CLSTN1: variants seen among roughly 807,000 people sequenced by gnomAD.
The protein encoded by CLSTN1 is calsyntenin 1.
Under a neutral mutation model 108.3 loss-of-function variants are expected in CLSTN1, and 28 were observed. The ratio of observed to expected loss-of-function variants is 0.26; its 90% CI spans 0.19 to 0.35. The LOEUF (loss-of-function observed/expected upper bound fraction) is 0.35, where lower values mean the gene tolerates loss of function less well. Ranked by LOEUF, CLSTN1 falls within the 10% of genes least tolerant of loss-of-function variation. The pLI is 1.00. For missense variants in CLSTN1, 1,157 were observed against 1,302.6 expected, an observed-to-expected ratio of 0.89 and a Z score of 1.72; for synonymous variants, 524 against 534.9, an observed-to-expected ratio of 0.98 and a Z score of 0.28.
At position 9,744,564 on chromosome 1, in the gene CLSTN1, A is replaced by C; in HGVS notation, c.1065T>G (p.Asn355Lys). The C allele has an allele frequency of 6.2e-7, 1 of 1,612,774 alleles. No homozygotes were observed. The highest frequency in any genetic ancestry group is 8.5e-7 in the Non-Finnish European group (1 of 1,179,862). Residue 355 changes from asparagine (N) to lysine (K), a missense_variant, in exon 8 of 19, where the codon AAT (asparagine) becomes AAG (lysine). By Grantham distance (94) the Asn-to-Lys change is moderately conservative. Transcript: ENST00000377298. ...CAAACACCTGGTCGCTGTCGTGGCC[A>C]TTGTCGGTGGGCAGGCCCATGGTCC... ...LNWTMGLPTD[N>K]GHDSDQVFEF...
intron 5 of CLSTN1, 45 bp downstream of exon 5, chr1:9,751,428 C>CAGG: frequency 6.3e-7 from 1 of 1,590,124 alleles, no homozygotes; most frequent in Non-Finnish European, 8.6e-7. Context: ...GTGGGGTTAG[C>CAGG]AGGGACTGTC....
At chr1:9,802,558 G>A (rs939516594) in intron 1 of CLSTN1, among the ~76,000 whole-genome samples, 15 of 152,120 alleles carry the variant, frequency 9.9e-5, no homozygotes, top group African/African-American at 3.6e-4. Flanking sequence ...TGACTCAACT[G>A]TACATGAGAG....
At position 9,744,036 on chromosome 1, in the gene CLSTN1, C is replaced by T. The variant is rs746614787; in HGVS notation, c.1235-31G>A. On this transcript the variant is annotated intron_variant, in intron 8 of 18. Transcript: ENST00000377298. Reference sequence around the variant, plus strand: ...AAGGCAGTTTCTATGGGTAAATTGCCAACTAAAGATCCAAAGGAGAAATTA... The same window carrying T: ...AAGGCAGTTTCTATGGGTAAATTGCTAACTAAAGATCCAAAGGAGAAATTA... The T allele has an allele frequency of 5.0e-6, 8 of 1,605,024 alleles. No individual in the cohort carries two copies. The South Asian group carries it at 8.9e-5, about 18-fold the overall frequency.
At chr1:9,736,318 A>G (rs1441331311) in intron 11 of CLSTN1, among the ~76,000 whole-genome samples, 1 of 152,110 alleles carries the variant, frequency 6.6e-6, no homozygotes, top group Non-Finnish European at 1.5e-5. Flanking sequence ...TCTGGCCACT[A>G]CCTGGTAAGG....
chr1:9,788,359 T>C (rs555652508), intron 1 of CLSTN1, among the ~76,000 whole-genome samples: 4 of 146,780 alleles, frequency 2.7e-5, no homozygotes, highest in African/African-American at 7.5e-5. Flanking sequence ...TCACCTGAGG[T>C]TGGGAGTTTG....
At chr1:9,774,618 C>T (rs1652847961) in intron 1 of CLSTN1, among the ~76,000 whole-genome samples, 1 of 151,650 alleles carries the variant, frequency 6.6e-6, no homozygotes, top group Non-Finnish European at 1.5e-5. Flanking sequence ...CAATTCCAGC[C>T]TCCCTCTATT....
chr1:9,776,862 T>TTATCTATCTATCTATCTATCTATCTATC (rs70998308), intron 1 of CLSTN1, among the ~76,000 whole-genome samples: 1 of 140,020 alleles, frequency 7.1e-6, no homozygotes. Flanking sequence ...CTATCAGCAT[T>TTATCTATCTATCTATCTATCTATCTATC]TATCTATCTA....
intron 1 of CLSTN1, among the ~76,000 whole-genome samples, chr1:9,804,820 A>G (rs1654438114): frequency 6.6e-6 from 1 of 152,086 alleles, no homozygotes; most frequent in Non-Finnish European, 1.5e-5. Context: ...CGATGGAGTG[A>G]GACCCTGTCT....
Position 9,744,426 on chromosome 1 carries a change from C to G in CLSTN1, c.1203G>C (p.Lys401Asn), listed in dbSNP as rs1651144195. The change falls in exon 8 of 19, where the codon AAG becomes AAC. Residue 401 changes from lysine (K) to asparagine (N), a missense_variant. Physicochemically the swap from Lys to Asn is moderately conservative, Grantham distance 94. Coordinates refer to ENST00000377298, the MANE Select transcript of CLSTN1 (RefSeq NM_001009566.3). ...WMRHGPFGRK[K>N]ETILCSSDKT... ...TATCAGAACTGCAAAGAATTGTCTC[C>G]TTCTTCCTGCCGAATGGCCCATGTC... The G allele has an allele frequency of 6.2e-7, 1 of 1,610,368 alleles. No individual in the cohort carries two copies. The highest frequency in any genetic ancestry group is 8.5e-7 in the Non-Finnish European group (1 of 1,179,958).
intron 4 of CLSTN1, among the ~76,000 whole-genome samples, chr1:9,752,496 C>T (rs185449114): frequency 1.3e-5 from 2 of 152,338 alleles, no homozygotes; most frequent in African/African-American, 2.4e-5. Context: ...CCAGTGCCAT[C>T]GGTCTGACCC....
At chr1:9,795,625 A>G (rs1653953632) in intron 1 of CLSTN1, among the ~76,000 whole-genome samples, 1 of 151,418 alleles carries the variant, frequency 6.6e-6, no homozygotes, top group African/African-American at 2.4e-5. Flanking sequence ...AAGGAAAAAG[A>G]AAAAAATGTA....
chr1:9,819,382 T>C (rs1655109382), intron 1 of CLSTN1, among the ~76,000 whole-genome samples: 1 of 152,242 alleles, frequency 6.6e-6, no homozygotes. Flanking sequence ...CTTGGTTTAA[T>C]AAGCTTCACT....
intron 5 of CLSTN1, among the ~76,000 whole-genome samples, chr1:9,750,719 A>C (rs1010266200): frequency 2.0e-4 from 30 of 150,460 alleles, no homozygotes; most frequent in South Asian, 4.2e-4. Flanking sequence ...CTCAAACAAA[A>C]AAAAAAAAAA....
chr1:9,737,680 C>A, intron 10 of CLSTN1, 126 bp from the exon 11 acceptor site: 1 of 812,836 alleles, frequency 1.2e-6, no homozygotes, highest in Admixed American at 2.2e-5. Flanking sequence ...CTCGTGATCC[C>A]GCTCTGGGAT....
At position 9,733,961 on chromosome 1, in the gene CLSTN1, G is replaced by A. The variant is rs373592229; in HGVS notation, c.2281+11C>T. The A allele has an allele frequency of 2.8e-5, 45 of 1,602,666 alleles. No individual in the cohort carries two copies. Among genetic ancestry groups the A allele is most frequent in the African/African-American group, 1.6e-4 (12 of 74,726 alleles). The stretch of plus-strand genomic sequence containing the variant: ...CCTGGCCCACCTGCGTGGCTGCAGC[G>A]CTCCCCTTACCTGTGAAGGTCATGC... On this transcript the variant is annotated intron_variant, in intron 15 of 18. Coordinates refer to ENST00000377298, the MANE Select transcript of CLSTN1 (RefSeq NM_001009566.3).
At chr1:9,744,172 G>A (rs966445662) in intron 8 of CLSTN1, among the ~76,000 whole-genome samples, 167 bp from the exon 9 acceptor site, 21 of 152,202 alleles carry the variant, frequency 1.4e-4, no homozygotes, top group Non-Finnish European at 2.9e-5. Flanking sequence ...TTCCTGAGAG[G>A]CGGAGCCTGT....
At chr1:9,744,372 C>G (rs749096532) in intron 8 of CLSTN1, 23 bp downstream of exon 8, 2 of 1,587,640 alleles carry the variant, frequency 1.3e-6, no homozygotes, top group South Asian at 2.3e-5. Flanking sequence ...GGCCTGGCAT[C>G]GCTTGCAGAG....
intron 16 of CLSTN1, among the ~76,000 whole-genome samples, chr1:9,732,390 A>C (rs916127103): frequency 6.6e-6 from 1 of 152,170 alleles, no homozygotes; most frequent in Admixed American, 6.5e-5. Context: ...CATTTTATAA[A>C]AGATTATGCC....
chr1:9,741,146 C>A lies in CLSTN1; in HGVS notation c.1467G>T (p.Pro489=), dbSNP rs778981522. The stretch of plus-strand genomic sequence containing the variant: ...GAGTTTCTATCTTGGATGGATGGAG[C>A]GGGTAATCCTCAGTCACAGAGAAGG... ...HEPFSVTEDY[P]LHPSKIETQL... is the part of the protein sequence containing the mutation. The change falls in exon 10 of 19, where the codon CCG becomes CCT. Residue 489 remains proline, a synonymous_variant. Coordinates refer to ENST00000377298, the MANE Select transcript of CLSTN1 (RefSeq NM_001009566.3). 1.2e-6 allele frequency: 2 copies of A among 1,613,950 alleles called. No homozygotes were observed. The highest frequency in any genetic ancestry group is 1.3e-5 in the African/African-American group (1 of 74,898).
Sources: allele counts gnomAD v4.1 joint callset (sites outside exome capture counted in the v4.1 genomes callset), GRCh38; gene constraint gnomAD v4.1.1; transcripts MANE v1.5; gene names NCBI Gene and HGNC (gene_info 2026-07-23, HGNC 2026-07-21).